Variants in FBL observed in about 807,000 individuals in gnomAD.
The protein encoded by FBL is rRNA 2'-O-methyltransferase fibrillarin.
FBL carries 10 observed loss-of-function variants against 42.2 expected under a neutral mutation model. The ratio of observed to expected loss-of-function variants is 0.24; its 90% CI spans 0.15 to 0.40. The LOEUF (loss-of-function observed/expected upper bound fraction) is 0.40. Among genes scored for constraint, FBL ranks in the 10% least tolerant of loss-of-function variants. The probability of loss-of-function intolerance (pLI) is 1.00; values close to 1 mark genes in which losing one functional copy is unlikely to be tolerated. For missense variants in FBL, 351 were observed against 439.2 expected (o/e 0.80, Z 1.79); for synonymous variants, 165 against 165.4 (o/e 1.00, Z 0.02).
At chr19:39,846,254 C>T (rs1599661778) in intron 1 of FBL, 37 bp downstream of exon 1, 1 of 1,613,236 alleles carries the variant, frequency 6.2e-7, no homozygotes. Flanking sequence ...CCCGCCCGGC[C>T]TCCGTCCCTG....
At chr19:39,835,988 T>A (rs186241280) in intron 7 of FBL, among the ~76,000 whole-genome samples, 1 of 152,216 alleles carries the variant, frequency 6.6e-6, no homozygotes, top group Admixed American at 6.5e-5. Context: ...CCTTAAACAG[T>A]CCTATTTATC....
chr19:39,844,419 G>C (rs12975641), intron 1 of FBL, among the ~76,000 whole-genome samples: 82,208 of 151,426 alleles, frequency 0.54, 23,512 homozygotes, highest in African/African-American at 0.72. Flanking sequence ...AAAGTACCCA[G>C]TCCTCAGAAA....
At chr19:39,838,143 G>A (rs541691272) in intron 5 of FBL, 1 of 337,560 alleles carries the variant, frequency 3.0e-6, no homozygotes, top group African/African-American at 2.2e-5. Context: ...TGTAACAATG[G>A]GCCAACCACT....
At chr19:39,842,088 G>GC in intron 1 of FBL, among the ~76,000 whole-genome samples, 1 of 147,556 alleles carries the variant, frequency 6.8e-6, no homozygotes, top group Admixed American at 6.7e-5. Context: ...TCATAAGCTT[G>GC]CTTTTTTTTT....
chr19:39,840,068 C>T lies in FBL; in HGVS notation c.378+165G>A, dbSNP rs1043069735. On this transcript the variant is annotated intron_variant, in intron 4 of 8. Coordinates refer to ENST00000221801, the MANE Select transcript of FBL (RefSeq NM_001436.4). The surrounding 1 kb of genome is among the most constrained non-coding windows in gnomAD (Gnocchi z 4.5). ...AAGACTCAGGAGTCTAACTGGAAGG[C>T]CGTGGGGAGTCACAGAAGGCGGATG... Among the ~76,000 whole-genome samples, 6 of 151,986 alleles carry T rather than the reference C, an allele frequency of 3.9e-5. 1 individual carries two copies. Among genetic ancestry groups the T allele is most frequent in the African/African-American group, 1.5e-4 (6 of 41,342 alleles).
intron 7 of FBL, among the ~76,000 whole-genome samples, chr19:39,835,501 G>A (rs137932612): frequency 0.011 from 1,621 of 152,158 alleles, 29 homozygotes; most frequent in African/African-American, 0.036. Flanking sequence ...CCTGGTGACA[G>A]AGTAAGACTC....
At chr19:39,836,706 C>T in intron 6 of FBL, 38 bp from the exon 7 acceptor site, 3 of 1,521,756 alleles carry the variant, frequency 2.0e-6, no homozygotes, top group Non-Finnish European at 2.7e-6. Flanking sequence ...GTTGGAGTCA[C>T]AGGGATCACC....
rs1384170880 is a variant in FBL at position 39,840,882 on chromosome 19, T to C, written c.11-95A>G. 8.3e-7 allele frequency: 1 copy of C among 1,198,928 alleles called. No individual in the cohort carries two copies. The highest frequency in any genetic ancestry group is 2.6e-5 in the East Asian group (1 of 38,520). 74.3% of individuals were successfully genotyped at this position (1,198,928 alleles called of 1,614,324 possible). A position where few individuals can be genotyped will look rare whatever the true frequency, so the allele number is the denominator to read the frequency against. On this transcript the variant is annotated intron_variant, in intron 1 of 8. Transcript: ENST00000221801. The surrounding 1 kb of genome is among the most constrained non-coding windows in gnomAD (Gnocchi z 4.5). Reference sequence around the variant, plus strand: ...TACCTCTCAGGTGAGAAACCTGAAATACATGTGCCCGTGTACAGCAGGACA... The same window carrying C: ...TACCTCTCAGGTGAGAAACCTGAAACACATGTGCCCGTGTACAGCAGGACA...
At position 39,840,687 on chromosome 19, in the gene FBL, GCCTCGA is replaced by G; in HGVS notation, c.105_110del (p.Arg36_Gly37del). The G allele has an allele frequency of 6.3e-7, 1 of 1,597,054 alleles. No individual in the cohort carries two copies. The highest frequency in any genetic ancestry group is 8.5e-7 in the Non-Finnish European group (1 of 1,172,288). ...CTCGTCCACGACCTCTAAAGCCTCC[GCCTCGA>G]CCTCGGCCCCCGCCAAAGCCCCCTC... On this transcript the variant is annotated inframe_deletion, in exon 2 of 9. Coordinates refer to ENST00000221801, the MANE Select transcript of FBL (RefSeq NM_001436.4). The surrounding 1 kb of genome is among the most constrained non-coding windows in gnomAD (Gnocchi z 4.5).
rs369864847 is a variant in FBL, at chr19:39,835,662, G to A, written c.796-849C>T. Among the ~76,000 whole-genome samples the A allele has an allele frequency of 1.2e-3, 175 of 152,060 alleles. 6 individuals are homozygous for A. The East Asian group carries it at 0.028, about 24-fold the overall frequency. Reference sequence around the variant, plus strand: ...AGTTTTTGGCTGGGTGCAGTGGCTCGTGCCTGTAATCCTAGCACTTTGGGA... The same window carrying A: ...AGTTTTTGGCTGGGTGCAGTGGCTCATGCCTGTAATCCTAGCACTTTGGGA... On this transcript the variant is annotated intron_variant, in intron 7 of 8. Transcript: ENST00000221801.
chr19:39,838,338 G>A (rs532371162), intron 5 of FBL: 3 of 147,274 alleles, frequency 2.0e-5, no homozygotes, highest in African/African-American at 7.6e-5. Context: ...TCAGCTTAGT[G>A]CAACGTCCGC....
At chr19:39,835,912 CGA>C (rs1259385578) in intron 7 of FBL, among the ~76,000 whole-genome samples, 1 of 151,284 alleles carries the variant, frequency 6.6e-6, no homozygotes, top group East Asian at 1.9e-4. Context: ...GGTGACAGAG[CGA>C]GACTCTGTCT....
At chr19:39,843,255 G>A (rs1969193964) in intron 1 of FBL, among the ~76,000 whole-genome samples, 1 of 152,182 alleles carries the variant, frequency 6.6e-6, no homozygotes, top group Non-Finnish European at 1.5e-5. Flanking sequence ...TGTTAAATGA[G>A]CACTGAGCTG....
Position 39,840,491 on chromosome 19 carries a change from T to G in FBL, c.206A>C (p.Asn69Thr). ...RGGGGFHSGG[N>T]RGRGRGGKRG... ...TTTTCCTCCCCGACCACGACCCCGG[T>G]TGCCACCAGAATGGAAGCCTCCACC... Residue 69 changes from asparagine (N) to threonine (T), a missense_variant, in exon 3 of 9, where the codon AAC becomes ACC. By Grantham distance (65) the Asn-to-Thr change is moderately conservative. Transcript: ENST00000221801. The surrounding 1 kb of genome is among the most constrained non-coding windows in gnomAD (Gnocchi z 4.5). 2 of 1,614,100 alleles carry G rather than the reference T, an allele frequency of 1.2e-6. No individual in the cohort carries two copies. Among genetic ancestry groups the G allele is most frequent in the Non-Finnish European group, 8.5e-7 (1 of 1,180,010 alleles).
At chr19:39,842,087 T>G (rs1018422043) in intron 1 of FBL, among the ~76,000 whole-genome samples, 6 of 150,820 alleles carry the variant, frequency 4.0e-5, no homozygotes, top group African/African-American at 1.5e-4. Flanking sequence ...ATCATAAGCT[T>G]GCTTTTTTTT....
intron 4 of FBL, among the ~76,000 whole-genome samples, chr19:39,839,649 G>A (rs942043765): frequency 6.6e-6 from 1 of 152,134 alleles, no homozygotes; most frequent in African/African-American, 2.4e-5. Context: ...CAAGGAGCAG[G>A]TGAAAATGGG....
At chr19:39,846,182 C>A in intron 1 of FBL, 109 bp downstream of exon 1, 2 of 1,320,084 alleles carry the variant, frequency 1.5e-6, no homozygotes, top group East Asian at 2.4e-5. Context: ...GGAACCCGTG[C>A]TCAGAACCCC....
chr19:39,836,596 G>A lies in FBL; in HGVS notation c.755C>T (p.Thr252Ile), dbSNP rs367930851. The A allele has an allele frequency of 2.8e-5, 45 of 1,613,932 alleles. No individual in the cohort carries two copies. Among genetic ancestry groups the A allele is most frequent in the South Asian group, 4.4e-5 (4 of 91,090 alleles). The change falls in exon 7 of 9, where the codon ACC becomes ATC. Residue 252 changes from threonine to isoleucine, a missense_variant. By Grantham distance (89) the Thr-to-Ile change is moderately conservative. Coordinates refer to ENST00000221801, the MANE Select transcript of FBL (RefSeq NM_001436.4). ...AAAGTGTCCTCCATTACGCAGGAAG[G>A]TGTGGGCATTCAGGGCCACAATCCG... ...QTRIVALNAH[T>I]FLRNGGHFVI...
At chr19:39,841,063 A>AT (rs904382993) in intron 1 of FBL, among the ~76,000 whole-genome samples, 8 of 151,902 alleles carry the variant, frequency 5.3e-5, no homozygotes, top group African/African-American at 1.9e-4. Context: ...AATCATAATA[A>AT]TTTTTTTTGC....
Sources: gnomAD v4.1 joint callset for allele counts (sites outside exome capture counted in the v4.1 genomes callset) on GRCh38, gnomAD v4.1.1 for gene constraint, Gnocchi (gnomAD v3.1) non-coding constraint, MANE v1.5 for transcripts, NCBI Gene and HGNC (gene_info 2026-07-23, HGNC 2026-07-21) for gene names.